NPHP4: variants seen among roughly 807,000 people sequenced by gnomAD.
NPHP4 encodes nephrocystin 4.
In NPHP4, 151 loss-of-function variants were observed where a neutral mutation model predicts 155.8. The observed-to-expected ratio is 0.97, with a 90% CI of 0.85 to 1.11. NPHP4 has a LOEUF of 1.11. Ranked by LOEUF, NPHP4 falls within the 50% of genes least tolerant of loss-of-function variation. The pLI, the probability that NPHP4 is intolerant of heterozygous loss-of-function variation, is 0.00. For synonymous variants in NPHP4, 845 were observed against 816.8 expected (o/e 1.03, Z -0.59); for missense variants, 1,956 against 1,925.7 (o/e 1.02, Z -0.29).
rs1644408731 is a variant in NPHP4 at position 5,896,655 on chromosome 1, A to T, written c.2144-5627T>A. 3.9e-5 allele frequency among the ~76,000 whole-genome samples: 6 copies of T among 152,360 alleles called. No individual in the cohort carries two copies. In the South Asian group the frequency reaches 1.2e-3, roughly 32 times the overall value. On this transcript the variant is annotated intron_variant, in intron 16 of 29. Coordinates refer to ENST00000378156, the MANE Select transcript of NPHP4 (RefSeq NM_015102.5). ...CTTAGGAAGATCAACATGAACTCAC[A>T]TTTTACATTTTCCCAGCTCTTCCTG...
At chr1:5,961,984 C>T (rs374714762) in intron 5 of NPHP4, 35 bp from the exon 6 acceptor site, 64 of 1,562,696 alleles carry the variant, frequency 4.1e-5, no homozygotes, top group Non-Finnish European at 5.3e-5. Context: ...CAACTGATAG[C>T]TGAAAGCAAA....
chr1:5,966,626 G>C (rs1651554430), intron 5 of NPHP4, among the ~76,000 whole-genome samples: 1 of 152,064 alleles, frequency 6.6e-6, no homozygotes, highest in Non-Finnish European at 1.5e-5. Flanking sequence ...ACCTCGAAGA[G>C]ACAGAAAAGT....
In NPHP4 at chr1:5,961,985, T is replaced by G. The variant is rs1650423332; in HGVS notation, c.518-36A>C. The G allele has an allele frequency of 1.9e-6, 3 of 1,561,050 alleles. No individual in the cohort carries two copies. The African/African-American group carries it at 4.1e-5, about 21-fold the overall frequency. ...AAACACAATGTGATCAACTGATAGC[T>G]GAAAGCAAAGGTGCTTCCAGTCAAA... On this transcript the variant is annotated intron_variant, in intron 5 of 29. Transcript: ENST00000378156.
intron 23 of NPHP4, among the ~76,000 whole-genome samples, chr1:5,869,169 CATGCACACA>C (rs890052648): frequency 1.7e-4 from 25 of 148,754 alleles, no homozygotes; most frequent in Non-Finnish European, 3.0e-4. Flanking sequence ...CACGCACCCA[CATGCACACA>C]ATGCACACAT....
chr1:5,907,710 A>C (rs1644981751), intron 12 of NPHP4, among the ~76,000 whole-genome samples: 1 of 141,220 alleles, frequency 7.1e-6, no homozygotes, highest in Non-Finnish European at 1.5e-5. Context: ...ATTACCGTGG[A>C]GTGCCCGCAC....
Position 5,964,941 on chromosome 1 carries a change from A to ATATATATATTTTTTTTTTTTTTTTTTTT in NPHP4, c.517+2357_517+2358insAAAAAAAAAAAAAAAAAAAATATATATA. On this transcript the variant is annotated intron_variant, in intron 5 of 29. Transcript: ENST00000378156. ...ATTATATATATATATATATATATAT[A>ATATATATATTTTTTTTTTTTTTTTTTTT]TTTTTTTTTTTTGAGGCAGGGTCTC... 6.7e-5 allele frequency among the ~76,000 whole-genome samples: 4 copies of ATATATATATTTTTTTTTTTTTTTTTTTT among 59,414 alleles called. 1 individual carries two copies. The highest frequency in any genetic ancestry group is 2.5e-4 in the African/African-American group (3 of 11,794). 39.0% of individuals were successfully genotyped at this position (59,414 alleles called of 152,430 possible). A position where few individuals can be genotyped will look rare whatever the true frequency, so the allele number is the denominator to read the frequency against.
intron 23 of NPHP4, among the ~76,000 whole-genome samples, chr1:5,872,619 GC>G (rs1642120719): frequency 6.6e-6 from 1 of 152,200 alleles, no homozygotes; most frequent in Non-Finnish European, 1.5e-5. Flanking sequence ...CCACGGGAAC[GC>G]CACAGCCTCA....
intron 5 of NPHP4, among the ~76,000 whole-genome samples, chr1:5,964,942 T>TATATATATATATATATATA (rs1553194795): frequency 2.2e-5 from 1 of 44,530 alleles, no homozygotes; most frequent in African/African-American, 1.2e-4. Context: ...TATATATATA[T>TATATATATATATATATATA]TTTTTTTTTT....
chr1:5,966,695 C>G (rs1327206617), intron 5 of NPHP4, among the ~76,000 whole-genome samples: 1 of 152,204 alleles, frequency 6.6e-6, no homozygotes, highest in Non-Finnish European at 1.5e-5. Flanking sequence ...CCCCCAACTG[C>G]TAGGCAAGCA....
Position 5,927,674 on chromosome 1 carries a change from G to C in NPHP4, c.1416C>G (p.Ser472=), listed in dbSNP as rs1557755331. 6.2e-7 allele frequency: 1 copy of C among 1,612,242 alleles called. No homozygotes were observed. The highest frequency in any genetic ancestry group is 8.5e-7 in the Non-Finnish European group (1 of 1,178,416). Residue 472 remains serine, a synonymous_variant, in exon 11 of 30, where the codon TCC becomes TCG. Coordinates refer to ENST00000378156, the MANE Select transcript of NPHP4 (RefSeq NM_015102.5). The stretch of plus-strand genomic sequence containing the variant: ...TCGAAGGGGACGTGGGTGGTTTCCT[G>C]GAAGGCCGCCGCTCCACTTTGGGGC... The part of the protein sequence containing the change: ...VSGPKVERRP[S]RKPPTSPSSP...
chr1:5,970,044 C>T (rs1652283832), intron 3 of NPHP4, among the ~76,000 whole-genome samples: 1 of 152,176 alleles, frequency 6.6e-6, no homozygotes. Context: ...CAGCCTCTGC[C>T]TCCGCCTTCC....
At chr1:5,962,363 T>C (rs1395296095) in intron 5 of NPHP4, among the ~76,000 whole-genome samples, 3 of 151,902 alleles carry the variant, frequency 2.0e-5, no homozygotes, top group Non-Finnish European at 4.4e-5. Flanking sequence ...CAGTTTTTAA[T>C]CCAACATAAA....
At chr1:5,985,691 A>C (rs1464667345) in intron 2 of NPHP4, among the ~76,000 whole-genome samples, 1 of 152,242 alleles carries the variant, frequency 6.6e-6, no homozygotes, top group Non-Finnish European at 1.5e-5. Flanking sequence ...CTGATGGGCC[A>C]CTTTGCATCC....
At chr1:5,926,199 A>G (rs766722317) in intron 11 of NPHP4, among the ~76,000 whole-genome samples, 3 of 152,246 alleles carry the variant, frequency 2.0e-5, no homozygotes, top group Non-Finnish European at 4.4e-5. Context: ...CACAAAATTC[A>G]AACACTGAAA....
At chr1:5,941,423 G>A (rs1289578831) in intron 9 of NPHP4, among the ~76,000 whole-genome samples, 1 of 148,178 alleles carries the variant, frequency 6.7e-6, no homozygotes, top group African/African-American at 2.5e-5. Flanking sequence ...ATAAAAGAAA[G>A]AACTTATATA....
rs1042754800 is a variant in NPHP4, at chr1:5,933,006, C to G, written c.1302+141G>C. ...GTTTACATAAAAACATCATACTAAT[C>G]TTTCTAAAGGCATACCCATGACATG... On this transcript the variant is annotated intron_variant, in intron 10 of 29. Transcript: ENST00000378156. The G allele has an allele frequency of 9.6e-6, 6 of 623,914 alleles. No homozygotes were observed. The African/African-American group carries it at 1.1e-4, about 11-fold the overall frequency. The allele number at this position is 623,914 out of a possible 1,614,324, so 38.6% of individuals were successfully genotyped here.
At chr1:5,986,079 C>T in intron 2 of NPHP4, 76 bp downstream of exon 2, 2 of 1,507,202 alleles carry the variant, frequency 1.3e-6, no homozygotes, top group Non-Finnish European at 1.8e-6. Flanking sequence ...AAGCCAGGGA[C>T]CATCCATCTG....
chr1:5,969,346 T>C (rs952631255), intron 3 of NPHP4, 87 bp from the exon 4 acceptor site: 17 of 778,568 alleles, frequency 2.2e-5, no homozygotes, highest in Non-Finnish European at 3.3e-5. Context: ...CGAGACCGCC[T>C]TCCTACACGT....
At chr1:5,868,747 A>G (rs1031848690) in intron 23 of NPHP4, among the ~76,000 whole-genome samples, 5 of 101,380 alleles carry the variant, frequency 4.9e-5, no homozygotes, top group African/African-American at 1.9e-4. Flanking sequence ...ATGCACCCAC[A>G]CATGTACACA....
Sources: gnomAD v4.1 joint callset for allele counts (sites outside exome capture counted in the v4.1 genomes callset) on GRCh38, gnomAD v4.1.1 for gene constraint, MANE v1.5 for transcripts, NCBI Gene and HGNC (gene_info 2026-07-23, HGNC 2026-07-21) for gene names.